Variants in PTCD3 observed in about 807,000 individuals in gnomAD.
PTCD3 encodes the protein pentatricopeptide repeat domain 3, also known as small ribosomal subunit protein mS39.
In PTCD3, 89 loss-of-function variants were observed where a neutral mutation model predicts 101.9. That is an observed-to-expected ratio of 0.87 (90% CI 0.74 to 1.04). PTCD3 has a LOEUF of 1.04. Ranked by LOEUF, PTCD3 falls within the 50% of genes least tolerant of loss-of-function variation. The pLI is 0.00. For synonymous variants in PTCD3, 296 were observed against 278.5 expected (o/e 1.06, Z -0.63); for missense variants, 870 against 828.2 (o/e 1.05, Z -0.62).
At chr2:86,136,924 C>T in intron 22 of PTCD3, 58 bp from the exon 23 acceptor site, 2 of 1,593,840 alleles carry the variant, frequency 1.3e-6, no homozygotes, top group Non-Finnish European at 8.6e-7. Context: ...TGGATCTTGC[C>T]TATAAATGTT....
intron 3 of PTCD3, among the ~76,000 whole-genome samples, chr2:86,109,229 C>A (rs1177309998): frequency 6.6e-6 from 1 of 152,096 alleles, no homozygotes; most frequent in Non-Finnish European, 1.5e-5. Flanking sequence ...CACGGTGAAA[C>A]CCCGTCTCTA....
intron 3 of PTCD3, among the ~76,000 whole-genome samples, chr2:86,109,428 T>C (rs1329005662): frequency 6.8e-6 from 1 of 146,520 alleles, no homozygotes; most frequent in African/African-American, 2.5e-5. Flanking sequence ...AAGACTTGGG[T>C]TCATTTAAAA....
intron 5 of PTCD3, among the ~76,000 whole-genome samples, 162 bp downstream of exon 5, chr2:86,116,760 C>T (rs542502900): frequency 1.3e-5 from 2 of 152,306 alleles, no homozygotes; most frequent in Admixed American, 6.5e-5. Flanking sequence ...ATGTACATAT[C>T]GTCAATGGGG....
Position 86,136,489 on chromosome 2 carries a change from A to T in PTCD3, c.1779-32A>T, listed in dbSNP as rs112717516. 25 of 1,579,586 alleles carry T rather than the reference A, an allele frequency of 1.6e-5. 1 individual carries two copies. The highest frequency in any genetic ancestry group is 1.5e-4 in the African/African-American group (11 of 74,222). ...TGTCTGATTGCCTTGTTTTTCTAAT[A>T]GTATTCATAATCTTTTTCCTTTCTT... On this transcript the variant is annotated intron_variant, in intron 21 of 23. Transcript: ENST00000254630.
At chr2:86,111,574 C>T (rs980550134) in intron 4 of PTCD3, among the ~76,000 whole-genome samples, 22 of 151,006 alleles carry the variant, frequency 1.5e-4, no homozygotes, top group African/African-American at 5.1e-4. Context: ...GGCGAAAGAG[C>T]GAGACTCTGT....
rs768117568 is a variant in PTCD3, at chr2:86,125,816, C to T, written c.887C>T (p.Ala296Val). Reference sequence around the variant, plus strand: ...ACAGCTGATGTATACACATTTAATGCATTGATTGAAGCAACAGTATGTGCG... The same window carrying T: ...ACAGCTGATGTATACACATTTAATGTATTGATTGAAGCAACAGTATGTGCG... ...RLHADVYTFN[A>V]LIEATVCAIN... Residue 296 changes from alanine to valine, a missense_variant, in exon 12 of 24, where the codon GCA becomes GTA. Ala to Val is a moderately conservative substitution (Grantham distance 64). Coordinates refer to ENST00000254630, the MANE Select transcript of PTCD3 (RefSeq NM_017952.6). 3 of 1,607,662 alleles carry T rather than the reference C, an allele frequency of 1.9e-6. No individual in the cohort carries two copies. Among genetic ancestry groups the T allele is most frequent in the South Asian group, 2.2e-5 (2 of 90,828 alleles).
At position 86,120,720 on chromosome 2, in the gene PTCD3, C is replaced by G. The variant is rs6720143; in HGVS notation, c.539-759C>G. Among the ~76,000 whole-genome samples the G allele has an allele frequency of 2.0e-5, 3 of 152,132 alleles. No homozygotes were observed. The East Asian group carries it at 5.8e-4, about 29-fold the overall frequency. On this transcript the variant is annotated intron_variant, in intron 7 of 23. Coordinates refer to ENST00000254630, the MANE Select transcript of PTCD3 (RefSeq NM_017952.6). ...GACCAGCCTGGGCAACATAGCGAGA[C>G]CTCATCTCTACAAAAAATTTAAAAA...
intron 4 of PTCD3, among the ~76,000 whole-genome samples, chr2:86,113,756 A>T (rs1674130010): frequency 6.6e-6 from 1 of 152,120 alleles, no homozygotes; most frequent in Non-Finnish European, 1.5e-5. Context: ...GGTTGCGGTG[A>T]GCCAGGATCG....
chr2:86,107,139 C>G (rs753790967), intron 1 of PTCD3: 1 of 471,102 alleles, frequency 2.1e-6, no homozygotes, highest in South Asian at 1.5e-5. Context: ...AAAGAGAAAC[C>G]ACTCCATCTG....
Position 86,127,942 on chromosome 2 carries a change from A to G in PTCD3, c.1098A>G (p.Glu366=), listed in dbSNP as rs771087453. The G allele has an allele frequency of 4.4e-6, 7 of 1,608,852 alleles. No individual in the cohort carries two copies. Among genetic ancestry groups the G allele is most frequent in the Non-Finnish European group, 6.0e-6 (7 of 1,175,484 alleles). ...VLREMKAIGI[E]PSLATYHHII... ...TTTCTGTCTACCTGGTAATTTGAGAACCCTCGCTTGCAACATATCACCATA... is the reference window on the plus strand; with the variant it reads ...TTTCTGTCTACCTGGTAATTTGAGAGCCCTCGCTTGCAACATATCACCATA... The change falls in exon 14 of 24, where the codon GAA becomes GAG. Residue 366 remains glutamate, a splice_region_variant and synonymous_variant. Transcript: ENST00000254630.
rs769323324 is a variant in PTCD3 at position 86,117,055 on chromosome 2, C to T, written c.310C>T (p.Arg104Cys). Residue 104 changes from arginine (R) to cysteine (C), a missense_variant and splice_region_variant, in exon 6 of 24, where the codon CGT becomes TGT. By Grantham distance (180) the Arg-to-Cys change is radical. Coordinates refer to ENST00000254630, the MANE Select transcript of PTCD3 (RefSeq NM_017952.6). ...TATTTAAATCTTTTTCTTTATATAG[C>T]GTTCATTTTTACTGGCAAAGAAATC... is the stretch of plus-strand genomic sequence containing the variant. The part of the protein sequence containing the change: ...YLMPASSLES[R>C]SFLLAKKSGE... 9 of 1,130,270 alleles carry T rather than the reference C, an allele frequency of 8.0e-6. No individual in the cohort carries two copies. The highest frequency in any genetic ancestry group is 7.0e-5 in the East Asian group (3 of 42,596). 70.0% of individuals were successfully genotyped at this position (1,130,270 alleles called of 1,614,324 possible). A position where few individuals can be genotyped will look rare whatever the true frequency, so the allele number is the denominator to read the frequency against.
chr2:86,110,881 G>T, intron 3 of PTCD3: 1 of 725,606 alleles, frequency 1.4e-6, no homozygotes, highest in South Asian at 1.5e-5. Context: ...CTGGGTTATG[G>T]CATTATGCAC....
At chr2:86,106,483 A>C in intron 1 of PTCD3, 132 bp downstream of exon 1, 1 of 827,526 alleles carries the variant, frequency 1.2e-6, no homozygotes, top group Non-Finnish European at 1.9e-6. Flanking sequence ...CGTGCCCTTA[A>C]GACCAGGTAC....
chr2:86,110,278 G>A (rs1674051939), intron 3 of PTCD3, among the ~76,000 whole-genome samples: 1 of 152,300 alleles, frequency 6.6e-6, no homozygotes, highest in African/African-American at 2.4e-5. Flanking sequence ...TCTAAACGTG[G>A]ATAGAAAATT....
At position 86,106,259 on chromosome 2, in the gene PTCD3, A is replaced by G. The variant is rs773583077; in HGVS notation, c.12A>G (p.Val4=). Residue 4 remains valine (V), a synonymous_variant, in exon 1 of 24, where the codon GTA becomes GTG. Coordinates refer to ENST00000254630, the MANE Select transcript of PTCD3 (RefSeq NM_017952.6). ...CAGAGAAATCAAAGATGGCGGTTGT[A>G]TCTGCTGTTCGCTGGCTGGGCCTCC... The part of the protein sequence containing the change: MAV[V]SAVRWLGLRS... 3.7e-6 allele frequency: 6 copies of G among 1,614,042 alleles called. No homozygotes were observed. Among genetic ancestry groups the G allele is most frequent in the African/African-American group, 2.7e-5 (2 of 75,048 alleles).
Position 86,135,156 on chromosome 2 carries a change from A to G in PTCD3, c.1778+169A>G, listed in dbSNP as rs181532212. 1.6e-4 allele frequency: 103 copies of G among 624,322 alleles called. No individual in the cohort carries two copies. The East Asian group carries it at 2.5e-3, about 15-fold the overall frequency. 38.7% of individuals were successfully genotyped at this position (624,322 alleles called of 1,614,324 possible). ...CTTTTGGAAGAAGACAGTATGCATGATGTAGTTGAGATAAGGCATAGTTCT... is the reference window on the plus strand; with the variant it reads ...CTTTTGGAAGAAGACAGTATGCATGGTGTAGTTGAGATAAGGCATAGTTCT... On this transcript the variant is annotated intron_variant, in intron 21 of 23. Transcript: ENST00000254630.
At position 86,108,220 on chromosome 2, in the gene PTCD3, G is replaced by A. The variant is rs545457830; in HGVS notation, c.105-130G>A. The A allele has an allele frequency of 2.1e-4, 208 of 990,634 alleles. 1 individual carries two copies. In the South Asian group the frequency reaches 3.0e-3, roughly 14 times the overall value. The allele number at this position is 990,634 out of a possible 1,614,324, so 61.4% of individuals were successfully genotyped here. A position where few individuals can be genotyped will look rare whatever the true frequency, so the allele number is the denominator to read the frequency against. ...CATGTGTACAGACTGTCTTCTCAGCGTTCATTGACATGAGTTATCCAGTTT... is the reference window on the plus strand; with the variant it reads ...CATGTGTACAGACTGTCTTCTCAGCATTCATTGACATGAGTTATCCAGTTT... On this transcript the variant is annotated intron_variant, in intron 1 of 23. Coordinates refer to ENST00000254630, the MANE Select transcript of PTCD3 (RefSeq NM_017952.6).
chr2:86,122,943 T>C (rs575264738), intron 8 of PTCD3, among the ~76,000 whole-genome samples: 2 of 152,270 alleles, frequency 1.3e-5, no homozygotes, highest in African/African-American at 4.8e-5. Flanking sequence ...CCTTGGTTTA[T>C]AAATAAAGAC....
chr2:86,119,000 A>C lies in PTCD3; in HGVS notation c.494A>C (p.Lys165Thr), dbSNP rs1347488716. ...CTGAAGGAACGAATTGAGCTCAGAA[A>C]AGTCAAAGCCTCTGTGGACATGTTT... The part of the protein sequence containing the change: ...AALKERIELR[K>T]VKASVDMFDQ... Residue 165 changes from lysine (K) to threonine (T), a missense_variant, in exon 7 of 24, where the codon AAA (lysine) becomes ACA (threonine). By Grantham distance (78) the Lys-to-Thr change is moderately conservative (BLOSUM62 -1). Coordinates refer to ENST00000254630, the MANE Select transcript of PTCD3 (RefSeq NM_017952.6). The C allele has an allele frequency of 3.7e-6, 6 of 1,614,136 alleles. No individual in the cohort carries two copies. In the South Asian group the frequency reaches 6.6e-5, roughly 18 times the overall value.
Sources: allele counts gnomAD v4.1 joint callset (sites outside exome capture counted in the v4.1 genomes callset), GRCh38; gene constraint gnomAD v4.1.1; transcripts MANE v1.5; gene names NCBI Gene and HGNC (gene_info 2026-07-23, HGNC 2026-07-21).